The following PSMB1 variants were observed in gnomAD, a reference collection of about 807,000 sequenced individuals.
PSMB1 encodes the protein proteasome subunit beta type-1.
A neutral mutation model predicts 25.4 loss-of-function variants in PSMB1; 7 were observed. The ratio of observed to expected loss-of-function variants is 0.28; its 90% CI spans 0.16 to 0.52. The LOEUF (loss-of-function observed/expected upper bound fraction) is 0.52, where lower values mean the gene tolerates loss of function less well. PSMB1 is among the 20% of genes least tolerant of loss of function. The pLI is 0.97. For missense variants in PSMB1, 284 were observed against 302.2 expected (o/e 0.94, Z 0.45); for synonymous variants, 119 against 115.0 (o/e 1.03, Z -0.22).
chr6:170,553,009 G>T, intron 1 of PSMB1, 121 bp downstream of exon 1: 3 of 803,070 alleles, frequency 3.7e-6, no homozygotes, highest in Non-Finnish European at 4.0e-6. Flanking sequence ...GACCCCCTCA[G>T]CTCAGGGTTC....
chr6:170,552,020 C>T (rs1471340285), intron 1 of PSMB1, among the ~76,000 whole-genome samples: 1 of 152,172 alleles, frequency 6.6e-6, no homozygotes, highest in Non-Finnish European at 1.5e-5. Context: ...TAACACACTC[C>T]CAAAATGTGC....
At chr6:170,552,430 A>C (rs1350946038) in intron 1 of PSMB1, among the ~76,000 whole-genome samples, 1 of 152,206 alleles carries the variant, frequency 6.6e-6, no homozygotes, top group Non-Finnish European at 1.5e-5. Context: ...TAAAATAAAA[A>C]CCAAAACTTG....
chr6:170,546,058 T>TTAC (rs1483511381), intron 3 of PSMB1, 45 bp downstream of exon 3: 1 of 1,480,404 alleles, frequency 6.8e-7, no homozygotes, highest in East Asian at 2.4e-5. Context: ...ATTTAATGAA[T>TTAC]TACTATTAAT....
At chr6:170,538,222 A>C (rs1402933017) in intron 4 of PSMB1, among the ~76,000 whole-genome samples, 5 of 152,232 alleles carry the variant, frequency 3.3e-5, no homozygotes, top group Non-Finnish European at 7.3e-5. Context: ...TGTTAAAAAC[A>C]ACCGTGTTCT....
At chr6:170,547,545 AC>A (rs1352478146) in intron 2 of PSMB1, among the ~76,000 whole-genome samples, 1 of 152,226 alleles carries the variant, frequency 6.6e-6, no homozygotes, top group Non-Finnish European at 1.5e-5. Flanking sequence ...TAGGGTCATC[AC>A]TAACATCACC....
chr6:170,540,471 C>A (rs1358724731), intron 4 of PSMB1, among the ~76,000 whole-genome samples: 1 of 151,414 alleles, frequency 6.6e-6, no homozygotes, highest in Admixed American at 6.6e-5. Context: ...AATTCTTCAT[C>A]TGAAGAAAAT....
At chr6:170,538,988 A>T (rs914579920) in intron 4 of PSMB1, among the ~76,000 whole-genome samples, 8 of 152,216 alleles carry the variant, frequency 5.3e-5, no homozygotes, top group Non-Finnish European at 1.0e-4. Context: ...CAACAAATTT[A>T]AAAAAATAAA....
At chr6:170,536,792 T>G (rs1415214621) in intron 5 of PSMB1, among the ~76,000 whole-genome samples, 3 of 152,190 alleles carry the variant, frequency 2.0e-5, no homozygotes, top group African/African-American at 7.2e-5. Flanking sequence ...AAGTTATATG[T>G]GGATTTTCCA....
At position 170,543,831 on chromosome 6, in the gene PSMB1, G is replaced by A. The variant is rs1462466911; in HGVS notation, c.304-101C>T. 2.6e-6 allele frequency: 3 copies of A among 1,145,184 alleles called. No homozygotes were observed. In the African/African-American group the frequency reaches 4.7e-5, roughly 18 times the overall value. 70.9% of individuals were successfully genotyped at this position (1,145,184 alleles called of 1,614,324 possible). On this transcript the variant is annotated intron_variant, in intron 3 of 5. Transcript: ENST00000262193. ...TGAATAAATAAATGCATACCACAGT[G>A]GAAGGGGAAAGCATGCCTATTTCCT... is the stretch of plus-strand genomic sequence containing the variant.
intron 4 of PSMB1, among the ~76,000 whole-genome samples, chr6:170,540,015 T>G (rs1304026651): frequency 6.6e-6 from 1 of 152,200 alleles, no homozygotes; most frequent in African/African-American, 2.4e-5. Flanking sequence ...TAAAACTGCA[T>G]GAGTGTATGT....
chr6:170,547,920 G>A (rs959356536), intron 2 of PSMB1, among the ~76,000 whole-genome samples: 9 of 147,150 alleles, frequency 6.1e-5, no homozygotes, highest in African/African-American at 1.5e-4. Context: ...ACCAGCAAAC[G>A]TAACTAAAGC....
At position 170,543,603 on chromosome 6, in the gene PSMB1, T is replaced by C; in HGVS notation, c.431A>G (p.Glu144Gly). The change falls in exon 4 of 6, where the codon GAA (glutamate) becomes GGA (glycine). Residue 144 changes from glutamate to glycine, a missense_variant and splice_region_variant. Glu to Gly is a moderately conservative substitution (Grantham distance 98, BLOSUM62 -2). Coordinates refer to ENST00000262193, the MANE Select transcript of PSMB1 (RefSeq NM_002793.4). Reference protein sequence around the residue: ...VYNIIGGLDEEGKGAVYSFDP... With the variant: ...VYNIIGGLDEGGKGAVYSFDP... ...TTTCCAGAAAGAAGGAATTCTACCT[T>C]CTTCATCAAGTCCACCGATGATGTT... 1.9e-6 allele frequency: 3 copies of C among 1,606,888 alleles called. No homozygotes were observed. Among genetic ancestry groups the C allele is most frequent in the Non-Finnish European group, 2.6e-6 (3 of 1,175,258 alleles).
chr6:170,549,416 A>G (rs1778863472), intron 1 of PSMB1: 1 of 270,996 alleles, frequency 3.7e-6, no homozygotes, highest in South Asian at 7.3e-5. Flanking sequence ...CTACTAATAC[A>G]GAACAACTAA....
intron 2 of PSMB1, 53 bp from the exon 3 acceptor site, chr6:170,546,237 A>G (rs773644378): frequency 4.0e-5 from 57 of 1,408,880 alleles, no homozygotes; most frequent in African/African-American, 5.7e-5. Context: ...AGAGCAAAAC[A>G]TATCTTCGGC....
intron 4 of PSMB1, among the ~76,000 whole-genome samples, chr6:170,538,585 A>C (rs943893478): frequency 6.6e-6 from 1 of 152,050 alleles, no homozygotes; most frequent in Non-Finnish European, 1.5e-5. Flanking sequence ...TCTATTCCCA[A>C]CTACTTGGGA....
chr6:170,542,236 C>T (rs923090778), intron 4 of PSMB1, among the ~76,000 whole-genome samples: 1 of 152,032 alleles, frequency 6.6e-6, no homozygotes, highest in Non-Finnish European at 1.5e-5. Context: ...TGTATGGGGG[C>T]GGATGTTAAG....
chr6:170,553,234 G>C lies in PSMB1; in HGVS notation c.9C>G (p.Ser3=), dbSNP rs762213623. Residue 3 remains serine (S), a synonymous_variant, in exon 1 of 6, where the codon TCC becomes TCG. Transcript: ENST00000262193. The stretch of plus-strand genomic sequence containing the variant: ...CAGGAGCCGAATACATGGCTGTAGA[G>C]GACAACATCGCACGGCTGCGCCTGC... ML[S]STAMYSAPGR... The C allele has an allele frequency of 1.2e-6, 2 of 1,610,978 alleles. No homozygotes were observed. Among genetic ancestry groups the C allele is most frequent in the African/African-American group, 1.3e-5 (1 of 75,022 alleles).
intron 4 of PSMB1, among the ~76,000 whole-genome samples, chr6:170,539,009 G>A (rs1330895289): frequency 1.3e-5 from 2 of 151,814 alleles, no homozygotes; most frequent in East Asian, 1.9e-4. Flanking sequence ...CCAAAGAAAG[G>A]GTGGGCTATG....
intron 4 of PSMB1, among the ~76,000 whole-genome samples, chr6:170,539,312 C>T (rs1778730597): frequency 6.6e-6 from 1 of 152,146 alleles, no homozygotes; most frequent in Non-Finnish European, 1.5e-5. Flanking sequence ...ACAGATTAGA[C>T]TGTATGAAAC....
Sources: gnomAD v4.1 joint callset for allele counts (sites outside exome capture counted in the v4.1 genomes callset) on GRCh38, gnomAD v4.1.1 for gene constraint, MANE v1.5 for transcripts, NCBI Gene and HGNC (gene_info 2026-07-23, HGNC 2026-07-21) for gene names.